The following SATB1 variants were observed in gnomAD, a reference collection of about 807,000 sequenced individuals.
The protein encoded by SATB1 is DNA-binding protein SATB1.
In SATB1, 11 loss-of-function variants were observed where a neutral mutation model predicts 86.9. That is an observed-to-expected ratio of 0.13 (90% confidence interval 0.08 to 0.21). The LOEUF (loss-of-function observed/expected upper bound fraction) is 0.21. SATB1 is among the 10% of genes least tolerant of loss of function. The pLI, the probability that SATB1 is intolerant of heterozygous loss-of-function variation, is 1.00. For missense variants in SATB1, 551 were observed against 937.6 expected, an observed-to-expected ratio of 0.59 and a Z score of 5.39; for synonymous variants, 357 against 357.2, an observed-to-expected ratio of 1.00 and a Z score of 0.01.
intron 10 of SATB1, chr3:18,350,142 T>C (rs1467794805): frequency 4.3e-5 from 7 of 162,666 alleles, no homozygotes; most frequent in Admixed American, 1.2e-4. Flanking sequence ...CTCCGTTTCA[T>C]TGGATGGCCA....
intron 9 of SATB1, among the ~76,000 whole-genome samples, chr3:18,365,654 T>C (rs548293690): frequency 6.6e-6 from 1 of 152,284 alleles, no homozygotes; most frequent in South Asian, 2.1e-4. Flanking sequence ...GGGAGACAGG[T>C]AGAAAATAAT....
intron 9 of SATB1, among the ~76,000 whole-genome samples, chr3:18,358,859 C>G: frequency 6.6e-6 from 1 of 151,856 alleles, no homozygotes; most frequent in Non-Finnish European, 1.5e-5. Context: ...AGTATCTTAG[C>G]CAAAAATTTG....
intron 6 of SATB1, among the ~76,000 whole-genome samples, chr3:18,396,671 A>G (rs1333044217): frequency 1.3e-5 from 2 of 152,176 alleles, no homozygotes; most frequent in African/African-American, 4.8e-5. Flanking sequence ...ATGGTAAAGC[A>G]ATGTGCTTAT....
At chr3:18,437,381 T>C (rs1435757737) in intron 1 of SATB1, among the ~76,000 whole-genome samples, 14 of 152,124 alleles carry the variant, frequency 9.2e-5, no homozygotes, top group Admixed American at 9.2e-4. Flanking sequence ...GTAGAAAACC[T>C]TTCATAATTC....
intron 6 of SATB1, 48 bp downstream of exon 6, chr3:18,397,131 T>C (rs1697002866): frequency 9.9e-7 from 1 of 1,013,328 alleles, no homozygotes. Context: ...AACCCCCAAA[T>C]GACACGTAAT....
At chr3:18,420,711 A>C (rs1346582373) in intron 2 of SATB1, 46 bp downstream of exon 2, 3 of 1,528,810 alleles carry the variant, frequency 2.0e-6, no homozygotes, top group African/African-American at 2.7e-5. Flanking sequence ...CCTTGTGTAG[A>C]CAACAGGGCT....
intron 5 of SATB1, among the ~76,000 whole-genome samples, chr3:18,404,221 G>C (rs1198268031): frequency 6.6e-6 from 1 of 152,046 alleles, no homozygotes; most frequent in Non-Finnish European, 1.5e-5. Flanking sequence ...CGAATGGCAG[G>C]ATTTCTAAGT....
intron 1 of SATB1, chr3:18,445,180 G>A: frequency 3.1e-6 from 3 of 969,570 alleles, no homozygotes; most frequent in Non-Finnish European, 3.7e-6. Flanking sequence ...GGCGGCCAGG[G>A]CCCGGCCCGC....
At chr3:18,434,008 G>C (rs149014938) in intron 2 of SATB1, among the ~76,000 whole-genome samples, 63 of 152,136 alleles carry the variant, frequency 4.1e-4, no homozygotes, top group Admixed American at 1.2e-3. Context: ...ACACTTGAGA[G>C]AGAAACAAAT....
chr3:18,436,250 A>G (rs1575188060), intron 2 of SATB1, among the ~76,000 whole-genome samples: 2 of 152,190 alleles, frequency 1.3e-5, no homozygotes, highest in East Asian at 3.8e-4. Flanking sequence ...AGCCTGAAAA[A>G]CAATCATTAT....
At position 18,357,200 on chromosome 3, in the gene SATB1, G is replaced by A. The variant is rs964398217; in HGVS notation, c.1576-5005C>T. On this transcript the variant is annotated intron_variant, in intron 9 of 10. Transcript: ENST00000338745. ...AGGAATAGTTTGTTCCAATCTCTGG[G>A]GCATACAGTATAATAATATATGATA... Among the ~76,000 whole-genome samples the A allele has an allele frequency of 7.9e-5, 12 of 151,452 alleles. No individual in the cohort carries two copies. The East Asian group carries it at 1.4e-3, about 17-fold the overall frequency.
chr3:18,419,101 A>C (rs924502933), intron 2 of SATB1, among the ~76,000 whole-genome samples: 1 of 152,116 alleles, frequency 6.6e-6, no homozygotes, highest in African/African-American at 2.4e-5. Context: ...AATATATTGG[A>C]TTTATTGTGG....
intron 8 of SATB1, among the ~76,000 whole-genome samples, chr3:18,385,436 C>G (rs375812125): frequency 6.6e-6 from 1 of 151,998 alleles, no homozygotes; most frequent in East Asian, 1.9e-4. Context: ...TCCTGACTAA[C>G]ACGGTGAAAC....
intron 9 of SATB1, among the ~76,000 whole-genome samples, chr3:18,369,737 G>A (rs990335161): frequency 3.9e-5 from 6 of 152,148 alleles, no homozygotes; most frequent in Non-Finnish European, 7.3e-5. Flanking sequence ...AAAAGGAGGA[G>A]GAGAGAGTTT....
chr3:18,382,415 C>A (rs1325587940), intron 8 of SATB1, among the ~76,000 whole-genome samples: 1 of 152,092 alleles, frequency 6.6e-6, no homozygotes, highest in East Asian at 1.9e-4. Flanking sequence ...AAGTCACACA[C>A]CATAAAATGC....
At chr3:18,430,488 G>C (rs913330697) in intron 2 of SATB1, among the ~76,000 whole-genome samples, 2 of 152,050 alleles carry the variant, frequency 1.3e-5, no homozygotes, top group African/African-American at 2.4e-5. Context: ...GTATCTCATA[G>C]GTGAAGTTAA....
Position 18,349,183 on chromosome 3 carries a change from T to C in SATB1, c.2279A>G (p.Asp760Gly), listed in dbSNP as rs760372610. 1 of 1,613,184 alleles carries C rather than the reference T, an allele frequency of 6.2e-7. No homozygotes were observed. The highest frequency in any genetic ancestry group is 8.5e-7 in the Non-Finnish European group (1 of 1,179,494). The change falls in exon 11 of 11, where the codon GAT becomes GGT. Residue 760 changes from aspartate (D) to glycine (G), a missense_variant. This residue lies in a region of SATB1 where 41 missense variants were observed against 38.9 expected (regional missense o/e 1.06). Coordinates refer to ENST00000338745, the MANE Select transcript of SATB1 (RefSeq NM_002971.6). The surrounding 1 kb of genome is among the most constrained non-coding windows in gnomAD (Gnocchi z 5.5). ...SVEGNTDINT[D>G]LKD Reference sequence around the variant, plus strand: ...AATACTTTTATCTCAGTCTTTCAAATCAGTATTAATGTCTGTGTTTCCTTC... The same window carrying C: ...AATACTTTTATCTCAGTCTTTCAAACCAGTATTAATGTCTGTGTTTCCTTC...
At chr3:18,392,679 A>C (rs1166983258) in intron 7 of SATB1, among the ~76,000 whole-genome samples, 3 of 151,938 alleles carry the variant, frequency 2.0e-5, no homozygotes, top group Non-Finnish European at 4.4e-5. Context: ...AGCATTATTG[A>C]AATGTTATGT....
At chr3:18,405,648 C>G (rs921914109) in intron 5 of SATB1, among the ~76,000 whole-genome samples, 1 of 152,012 alleles carries the variant, frequency 6.6e-6, no homozygotes, top group East Asian at 1.9e-4. Context: ...TACAGGGCCA[C>G]AGAACTAACT....
Sources: allele counts gnomAD v4.1 joint callset (sites outside exome capture counted in the v4.1 genomes callset), GRCh38; gene constraint gnomAD v4.1.1; regional missense constraint gnomAD v4.1.1; non-coding constraint Gnocchi (gnomAD v3.1); transcripts MANE v1.5; gene names NCBI Gene and HGNC (gene_info 2026-07-23, HGNC 2026-07-21).